LIN54: variants seen among roughly 807,000 people sequenced by gnomAD.
LIN54 encodes the protein protein lin-54 homolog.
Under a neutral mutation model 78.7 loss-of-function variants are expected in LIN54, and 9 were observed. The observed-to-expected ratio is 0.11, with a 90% CI of 0.07 to 0.20. The LOEUF (loss-of-function observed/expected upper bound fraction) is 0.20. LIN54 is among the 10% of genes least tolerant of loss of function. The pLI is 1.00. For missense variants in LIN54, 573 were observed against 889.9 expected, an observed-to-expected ratio of 0.64 and a Z score of 4.53; for synonymous variants, 269 against 318.4, an observed-to-expected ratio of 0.84 and a Z score of 1.65.
At chr4:82,978,778 T>C in intron 3 of LIN54, 105 bp downstream of exon 3, 2 of 617,800 alleles carry the variant, frequency 3.2e-6, no homozygotes, top group Non-Finnish European at 5.2e-6. Flanking sequence ...TTTATAATAA[T>C]AAGCTATATT....
intron 2 of LIN54, among the ~76,000 whole-genome samples, chr4:82,982,453 C>T (rs1726758365): frequency 1.3e-5 from 2 of 152,172 alleles, no homozygotes; most frequent in Admixed American, 1.3e-4. Context: ...TGGTCTCGAA[C>T]TCCTGGCCTC....
chr4:82,934,361 G>A (rs1436804706), intron 11 of LIN54, among the ~76,000 whole-genome samples: 1 of 152,132 alleles, frequency 6.6e-6, no homozygotes, highest in Non-Finnish European at 1.5e-5. Flanking sequence ...AGCCAAGATC[G>A]CACCACTGCA....
upstream of LIN54, chr4:83,012,038 C>T (rs1729882568): frequency 1.0e-6 from 1 of 985,370 alleles, no homozygotes; most frequent in East Asian, 1.1e-4. Context: ...ATGGCAACTC[C>T]ATATAAAAGT....
intron 4 of LIN54, among the ~76,000 whole-genome samples, chr4:82,948,665 A>G (rs1723602752): frequency 1.3e-5 from 2 of 152,152 alleles, no homozygotes; most frequent in Admixed American, 1.3e-4. Context: ...TTCATCCTAC[A>G]TATTATTTTA....
At chr4:82,974,512 A>G (rs762281558) in intron 3 of LIN54, among the ~76,000 whole-genome samples, 189 of 152,016 alleles carry the variant, frequency 1.2e-3, no homozygotes, top group Non-Finnish European at 1.6e-3. Flanking sequence ...CGAGGTGGGC[A>G]GATCACCTGA....
intron 11 of LIN54, among the ~76,000 whole-genome samples, chr4:82,931,553 A>G (rs1721956296): frequency 6.6e-6 from 1 of 152,226 alleles, no homozygotes; most frequent in Admixed American, 6.5e-5. Flanking sequence ...ACAATTTCAC[A>G]TTAAAGGGAT....
chr4:82,986,028 C>T (rs955035906), intron 1 of LIN54, among the ~76,000 whole-genome samples: 5 of 152,208 alleles, frequency 3.3e-5, no homozygotes, highest in Non-Finnish European at 7.3e-5. Context: ...AAAGACAGCA[C>T]ATCATGTTTA....
At chr4:82,982,066 G>A (rs1213579532) in intron 2 of LIN54, among the ~76,000 whole-genome samples, 2 of 151,920 alleles carry the variant, frequency 1.3e-5, no homozygotes, top group African/African-American at 2.4e-5. Context: ...AATAAAACAA[G>A]TTATAAGAAT....
chr4:82,992,810 C>T (rs1208722037), intron 1 of LIN54, among the ~76,000 whole-genome samples: 1 of 151,978 alleles, frequency 6.6e-6, no homozygotes, highest in African/African-American at 2.4e-5. Context: ...GGGTGGATCA[C>T]GAGGTCAGGA....
chr4:83,000,439 C>T (rs186923771), intron 1 of LIN54, among the ~76,000 whole-genome samples: 2 of 152,316 alleles, frequency 1.3e-5, no homozygotes, highest in African/African-American at 4.8e-5. Context: ...AAATGTATAA[C>T]AAGAAGGCCT....
chr4:82,929,777 G>A (rs1721796612), intron 12 of LIN54, among the ~76,000 whole-genome samples: 1 of 152,030 alleles, frequency 6.6e-6, no homozygotes, highest in Non-Finnish European at 1.5e-5. Context: ...CTGCACACCA[G>A]CCTGGGCAAC....
At chr4:82,998,007 T>G (rs1273607531) in intron 1 of LIN54, among the ~76,000 whole-genome samples, 1 of 54,870 alleles carries the variant, frequency 1.8e-5, no homozygotes, top group South Asian at 6.3e-4. Flanking sequence ...AAAAAAAAAA[T>G]AATAATATAT....
rs1412321004 is a variant in LIN54, at chr4:82,937,310, GA to G, written c.1533-13del. 9 of 1,519,058 alleles carry G rather than the reference GA, an allele frequency of 5.9e-6. No individual in the cohort carries two copies. The highest frequency in any genetic ancestry group is 1.8e-4 in the Middle Eastern group (1 of 5,570). The allele number at this position is 1,519,058 out of a possible 1,614,324, so 94.1% of individuals were successfully genotyped here. A position where few individuals can be genotyped will look rare whatever the true frequency, so the allele number is the denominator to read the frequency against. ...CTGATGGGATTATGCTGTACAGATA[GA>G]AAAAAAGATATACATTTAATCAATT... is the stretch of plus-strand genomic sequence containing the variant. On this transcript the variant is annotated splice_polypyrimidine_tract_variant and intron_variant, in intron 8 of 12. Coordinates refer to ENST00000340417, the MANE Select transcript of LIN54 (RefSeq NM_194282.4).
At chr4:82,978,400 T>C (rs1455246874) in intron 3 of LIN54, among the ~76,000 whole-genome samples, 1 of 152,216 alleles carries the variant, frequency 6.6e-6, no homozygotes, top group Non-Finnish European at 1.5e-5. Flanking sequence ...TACTATACTC[T>C]TGTGAATATT....
chr4:82,966,724 T>G (rs1474799613), intron 4 of LIN54, among the ~76,000 whole-genome samples: 2 of 151,870 alleles, frequency 1.3e-5, no homozygotes, highest in African/African-American at 4.8e-5. Flanking sequence ...GTTCAAGCAA[T>G]TCTCCTGCCT....
chr4:82,960,730 G>A (rs147471252), intron 4 of LIN54, among the ~76,000 whole-genome samples: 95 of 152,196 alleles, frequency 6.2e-4, no homozygotes, highest in African/African-American at 1.7e-3. Context: ...AATTCATCCC[G>A]TGGTACCTTT....
At chr4:83,012,072 G>T, upstream of LIN54, 3 of 983,432 alleles carry the variant, frequency 3.1e-6, no homozygotes, top group Non-Finnish European at 3.6e-6. Context: ...CTTCAACAAG[G>T]GCTGTCCACC....
chr4:82,982,636 TGATAA>T (rs1726771760), intron 2 of LIN54, among the ~76,000 whole-genome samples: 1 of 152,212 alleles, frequency 6.6e-6, no homozygotes, highest in Non-Finnish European at 1.5e-5. Flanking sequence ...TGCTTGATGG[TGATAA>T]GATATCTCAT....
chr4:82,984,013 TAA>T, intron 2 of LIN54, 146 bp downstream of exon 2: 1 of 627,716 alleles, frequency 1.6e-6, no homozygotes, highest in Non-Finnish European at 2.7e-6. Context: ...ATATCAAACT[TAA>T]AAACACACAC....
Sources: allele counts gnomAD v4.1 joint callset (sites outside exome capture counted in the v4.1 genomes callset), GRCh38; gene constraint gnomAD v4.1.1; transcripts MANE v1.5; gene names NCBI Gene and HGNC (gene_info 2026-07-23, HGNC 2026-07-21).